The following DNAH12 variants were observed in gnomAD, a reference collection of about 807,000 sequenced individuals.
DNAH12 encodes dynein axonemal heavy chain 12.
A neutral mutation model predicts 371.5 loss-of-function variants in DNAH12; 285 were observed. The ratio of observed to expected loss-of-function variants is 0.77; its 90% CI spans 0.70 to 0.85. The LOEUF is 0.85. Ranked by LOEUF, DNAH12 falls within the 40% of genes least tolerant of loss-of-function variation. The pLI is 0.00. For missense variants in DNAH12, 3,611 were observed against 3,689.4 expected (o/e 0.98, Z 0.55); for synonymous variants, 1,200 against 1,213.0 (o/e 0.99, Z 0.22).
At chr3:57,403,888 C>T (rs1339847352) in intron 42 of DNAH12, among the ~76,000 whole-genome samples, 1 of 152,126 alleles carries the variant, frequency 6.6e-6, no homozygotes, top group Non-Finnish European at 1.5e-5. Flanking sequence ...CTTAGCTTCA[C>T]TGGTAATTAG....
intron 58 of DNAH12, among the ~76,000 whole-genome samples, chr3:57,360,375 G>A (rs1289508090): frequency 6.6e-6 from 1 of 151,994 alleles, no homozygotes; most frequent in African/African-American, 2.4e-5. Context: ...CAAAAGGGAA[G>A]GGTGCCTAGA....
intron 11 of DNAH12, among the ~76,000 whole-genome samples, chr3:57,499,673 T>TATACAC (rs1553711699): frequency 0.073 from 3,193 of 43,986 alleles, 532 homozygotes; most frequent in Non-Finnish European, 0.11. Flanking sequence ...TATATATATA[T>TATACAC]ATACTTCTTA....
Position 57,414,069 on chromosome 3 carries a change from ATTAAC to A in DNAH12, c.5854-162_5854-158del, listed in dbSNP as rs558531319. On this transcript the variant is annotated intron_variant, in intron 38 of 73. Transcript: ENST00000495027. ...TTACTATTTGCTTAATTTATCAATG[ATTAAC>A]TTAACATAAAATACCATATTTAACA... is the stretch of plus-strand genomic sequence containing the variant. 9.4e-4 allele frequency among the ~76,000 whole-genome samples: 143 copies of A among 152,300 alleles called. 1 individual carries two copies. Among genetic ancestry groups the A allele is most frequent in the Admixed American group, 2.1e-3 (32 of 15,300 alleles).
intron 55 of DNAH12, among the ~76,000 whole-genome samples, 172 bp downstream of exon 55, chr3:57,375,199 T>C (rs2063257908): frequency 6.6e-6 from 1 of 152,112 alleles, no homozygotes; most frequent in South Asian, 2.1e-4. Context: ...GACGGAGTGA[T>C]AGAGGGAAGG....
At chr3:57,377,733 A>G (rs2063310010) in intron 52 of DNAH12, among the ~76,000 whole-genome samples, 1 of 152,098 alleles carries the variant, frequency 6.6e-6, no homozygotes, top group African/African-American at 2.4e-5. Flanking sequence ...TTCACTACCA[A>G]AACTGAATTT....
chr3:57,545,553 T>C (rs551373023), upstream of DNAH12, among the ~76,000 whole-genome samples: 6 of 151,124 alleles, frequency 4.0e-5, no homozygotes, highest in Non-Finnish European at 8.9e-5. Flanking sequence ...GGGCTCTCGC[T>C]CTGTCACCCA....
At position 57,398,805 on chromosome 3, in the gene DNAH12, T is replaced by C. The variant is rs1030809547; in HGVS notation, c.6949-4473A>G. Among the ~76,000 whole-genome samples the C allele has an allele frequency of 4.5e-3, 692 of 152,236 alleles. 3 individuals carry two copies. Among genetic ancestry groups the C allele is most frequent in the African/African-American group, 0.016 (667 of 41,540 alleles). On this transcript the variant is annotated intron_variant, in intron 43 of 73. Transcript: ENST00000495027. ...GCCTGACAAGATATGCTAAAGGGAA[T>C]CCTTCAAGTTGAAACAAAAGAACCT...
In DNAH12 at chr3:57,470,584, G is replaced by T; in HGVS notation, c.1964C>A (p.Ala655Glu). ...LQKRIQESEE[A>E]VQFINKEEEL... ...CTCTTCTTTATTAATAAACTGCACT[G>T]CTTCTTCAGATTCCTGAATACGTTT... is the stretch of plus-strand genomic sequence containing the variant. The change falls in exon 16 of 74, where the codon GCA (alanine) becomes GAA (glutamate). Residue 655 changes from alanine to glutamate, a missense_variant. Physicochemically the swap from Ala to Glu is moderately radical, Grantham distance 107. Transcript: ENST00000495027. 6.5e-7 allele frequency: 1 copy of T among 1,546,782 alleles called. No homozygotes were observed. Among genetic ancestry groups the T allele is most frequent in the Non-Finnish European group, 8.7e-7 (1 of 1,146,022 alleles).
intron 60 of DNAH12, among the ~76,000 whole-genome samples, chr3:57,339,444 G>A (rs2062337934): frequency 2.0e-5 from 3 of 151,730 alleles, no homozygotes; most frequent in African/African-American, 7.3e-5. Flanking sequence ...GGCTGGGAGG[G>A]GTTGGCAGGA....
rs1229399827 is a variant in DNAH12 at position 57,508,611 on chromosome 3, T to C, written c.543-71A>G. On this transcript the variant is annotated intron_variant, in intron 6 of 73. Coordinates refer to ENST00000495027, the MANE Select transcript of DNAH12 (RefSeq NM_001366028.2). ...CCTAAACTTTAGGAAATAATGCTTATAACATGAAATTAGTATTGAAGTGAG... is the reference window on the plus strand; with the variant it reads ...CCTAAACTTTAGGAAATAATGCTTACAACATGAAATTAGTATTGAAGTGAG... 2.7e-6 allele frequency: 4 copies of C among 1,503,456 alleles called. No homozygotes were observed. In the African/African-American group the frequency reaches 4.3e-5, roughly 16 times the overall value. 93.1% of individuals were successfully genotyped at this position (1,503,456 alleles called of 1,614,324 possible). A position where few individuals can be genotyped will look rare whatever the true frequency, so the allele number is the denominator to read the frequency against.
intron 4 of DNAH12, among the ~76,000 whole-genome samples, chr3:57,514,564 A>G (rs1463219914): frequency 6.6e-6 from 1 of 152,148 alleles, no homozygotes; most frequent in African/African-American, 2.4e-5. Context: ...AGTAGCTTGG[A>G]ACAGACAGAA....
rs940711457 is a variant in DNAH12 at position 57,301,806 on chromosome 3, G to T, written c.11323C>A (p.Arg3775Ser). 1 of 1,551,194 alleles carries T rather than the reference G, an allele frequency of 6.4e-7. No homozygotes were observed. The highest frequency in any genetic ancestry group is 2.4e-5 in the East Asian group (1 of 40,908). Residue 3775 changes from arginine to serine, a missense_variant, in exon 70 of 74, where the codon CGT (arginine) becomes AGT (serine). This residue lies in a region of DNAH12 where 2,266 missense variants were observed against 2,236.9 expected (regional missense o/e 1.01). Coordinates refer to ENST00000495027, the MANE Select transcript of DNAH12 (RefSeq NM_001366028.2). ...VGKVPEIWAK[R>S]SYPSLKPLGS... ...AGGGGCTTAAGGCTTGGGTATGAACGTTTGGCCCATATTTCTGGAACCTTT... is the reference window on the plus strand; with the variant it reads ...AGGGGCTTAAGGCTTGGGTATGAACTTTTGGCCCATATTTCTGGAACCTTT...
intron 17 of DNAH12, among the ~76,000 whole-genome samples, chr3:57,463,637 T>G (rs1336035179): frequency 6.6e-6 from 1 of 152,214 alleles, no homozygotes; most frequent in African/African-American, 2.4e-5. Context: ...AACCTTCCAT[T>G]GGTTATCACC....
chr3:57,372,036 T>C (rs1046848908), intron 55 of DNAH12, among the ~76,000 whole-genome samples: 265 of 145,786 alleles, frequency 1.8e-3, no homozygotes, highest in African/African-American at 6.6e-3. Context: ...TATAGTTAAG[T>C]AGAAGGCACA....
rs1248639606 is a variant in DNAH12, at chr3:57,457,909, C to A, written c.3148G>T (p.Gly1050Cys). ...VQPHLKKCFE[G>C]IAKLEFLPNL... ...GGAAGGAACTCTAATTTAGCAATGC[C>A]CTCAAAGCATTTTTTTAAATGTGGC... Residue 1050 changes from glycine to cysteine, a missense_variant, in exon 22 of 74, where the codon GGC becomes TGC. Physicochemically the swap from Gly to Cys is radical, Grantham distance 159. Around this residue, in one of 3 missense-constraint regions of DNAH12, gnomAD observed 1,314 missense variants for 1,398.7 expected, o/e 0.94. Transcript: ENST00000495027. 1 of 1,551,534 alleles carries A rather than the reference C, an allele frequency of 6.4e-7. No homozygotes were observed. Among genetic ancestry groups the A allele is most frequent in the Non-Finnish European group, 8.7e-7 (1 of 1,146,952 alleles).
chr3:57,509,115 A>C, intron 6 of DNAH12, 25 bp downstream of exon 6: 2 of 1,584,690 alleles, frequency 1.3e-6, no homozygotes, highest in South Asian at 2.3e-5. Flanking sequence ...TGGATGAAGT[A>C]CTGTTTTTAA....
chr3:57,327,026 T>C (rs2061965152), intron 62 of DNAH12, among the ~76,000 whole-genome samples: 1 of 151,936 alleles, frequency 6.6e-6, no homozygotes, highest in Non-Finnish European at 1.5e-5. Flanking sequence ...TAAATATATA[T>C]GCACCCAATA....
At chr3:57,513,333 C>G (rs1288982375) in intron 4 of DNAH12, among the ~76,000 whole-genome samples, 1 of 151,934 alleles carries the variant, frequency 6.6e-6, no homozygotes, top group Admixed American at 6.6e-5. Context: ...CACATGGACA[C>G]AGGGAAGGGA....
At position 57,335,042 on chromosome 3, in the gene DNAH12, T is replaced by C. The variant is rs1575468155; in HGVS notation, c.9675-102A>G. On this transcript the variant is annotated intron_variant, in intron 60 of 73. Transcript: ENST00000495027. ...CTGGATAGAACAACTTAGACTGTAC[T>C]TACCCACCTGCTGTAAACAACTAGA... 14 of 1,219,748 alleles carry C rather than the reference T, an allele frequency of 1.1e-5. No individual in the cohort carries two copies. The East Asian group carries it at 3.6e-4, about 32-fold the overall frequency. 75.6% of individuals were successfully genotyped at this position (1,219,748 alleles called of 1,614,324 possible).
Sources: allele counts gnomAD v4.1 joint callset (sites outside exome capture counted in the v4.1 genomes callset), GRCh38; gene constraint gnomAD v4.1.1; regional missense constraint gnomAD v4.1.1; transcripts MANE v1.5; gene names NCBI Gene and HGNC (gene_info 2026-07-23, HGNC 2026-07-21).